STARD13: variants seen among roughly 807,000 people sequenced by gnomAD.
The protein encoded by STARD13 is StAR related lipid transfer domain containing 13.
In STARD13, 62 loss-of-function variants were observed where a neutral mutation model predicts 106.4. That is an observed-to-expected ratio of 0.58 (90% confidence interval 0.48 to 0.72). The LOEUF (loss-of-function observed/expected upper bound fraction) is 0.72. STARD13 is among the 30% of genes least tolerant of loss of function. The pLI is 0.00. For missense variants in STARD13, 1,387 were observed against 1,424.0 expected (o/e 0.97, Z 0.42); for synonymous variants, 565 against 553.0 (o/e 1.02, Z -0.31).
chr13:33,440,616 G>A, the STARD13 span, among the ~76,000 whole-genome samples: 1 of 151,126 alleles, frequency 6.6e-6, no homozygotes, highest in Admixed American at 6.6e-5. Context: ...GTTTTATTTT[G>A]TCTTGTTAGG....
rs1244676966 is a variant in STARD13 at position 33,106,773 on chromosome 13, C to T, written c.3209G>A (p.Cys1070Tyr). 1.2e-6 allele frequency: 2 copies of T among 1,612,938 alleles called. No individual in the cohort carries two copies. The highest frequency in any genetic ancestry group is 2.2e-5 in the East Asian group (1 of 44,862). ...GSGKSRLTHI[C>Y]RIDLKGHSPE... is the part of the protein sequence containing the mutation. ...CAGCACTTACTTCAGGTCTATCCTG[C>T]AGATGTGAGTCAGTCTTGACTTGCC... The change falls in exon 13 of 14, where the codon TGC (cysteine) becomes TAC (tyrosine). Residue 1070 changes from cysteine (C) to tyrosine (Y), a missense_variant. Coordinates refer to ENST00000336934, the MANE Select transcript of STARD13 (RefSeq NM_178006.4).
intron 10 of STARD13, among the ~76,000 whole-genome samples, chr13:33,111,162 C>A (rs1184447965): frequency 2.0e-5 from 3 of 152,186 alleles, no homozygotes; most frequent in Non-Finnish European, 4.4e-5. Context: ...TTTCACTTCC[C>A]TTTTATTTTA....
At chr13:33,599,380 A>G in the STARD13 span, among the ~76,000 whole-genome samples, 136 of 152,346 alleles carry the variant, frequency 8.9e-4, no homozygotes, top group East Asian at 0.023. Context: ...CAGTAACACC[A>G]TAACAACAAT....
upstream of STARD13, among the ~76,000 whole-genome samples, chr13:33,351,308 T>A (rs963079837): frequency 1.3e-5 from 2 of 152,218 alleles, no homozygotes; most frequent in African/African-American, 4.8e-5. Context: ...AAGAAGTACG[T>A]ATTATGAAGA....
chr13:33,337,322 C>A (rs9805709), intron 1 of STARD13, among the ~76,000 whole-genome samples: 175 of 147,012 alleles, frequency 1.2e-3, no homozygotes, highest in African/African-American at 4.1e-3. Context: ...CTATTATGAG[C>A]ATTGTAAATA....
Position 33,129,500 on chromosome 13 carries a change from A to G in STARD13, c.1177T>C (p.Leu393=), listed in dbSNP as rs1877861324. The G allele has an allele frequency of 6.2e-7, 1 of 1,614,142 alleles. No individual in the cohort carries two copies. Among genetic ancestry groups the G allele is most frequent in the Non-Finnish European group, 8.5e-7 (1 of 1,180,024 alleles). Residue 393 remains leucine, a synonymous_variant, in exon 5 of 14, where the codon TTG becomes CTG. Coordinates refer to ENST00000336934, the MANE Select transcript of STARD13 (RefSeq NM_178006.4). ...RMHEFHSQEN[L]VVHIPKDHKP... ...TGATCCTTGGGAATATGCACCACCA[A>G]ATTCTCTTGGGAGTGAAATTCATGC...
intron 1 of STARD13, among the ~76,000 whole-genome samples, chr13:33,187,292 T>C (rs1387074749): frequency 6.6e-6 from 1 of 152,220 alleles, no homozygotes; most frequent in Non-Finnish European, 1.5e-5. Flanking sequence ...CTGCCCACTT[T>C]TGATTTTTTT....
chr13:33,126,041 T>C lies in STARD13; in HGVS notation c.2082+40A>G, dbSNP rs754448492. 1.5e-5 allele frequency: 24 copies of C among 1,596,326 alleles called. No homozygotes were observed. In the Admixed American group the frequency reaches 3.3e-4, roughly 22 times the overall value. On this transcript the variant is annotated intron_variant, in intron 7 of 13. Transcript: ENST00000336934. ...CATCCCCTCAATCCAATCCCATGGT[T>C]GGGGGTGGTGGGGCAGCAGCGGGGG...
chr13:33,588,319 C>T, the STARD13 span, among the ~76,000 whole-genome samples: 1 of 152,170 alleles, frequency 6.6e-6, no homozygotes, highest in Admixed American at 6.5e-5. Context: ...CAATGCATTT[C>T]TAATAGAAGG....
Position 33,110,822 on chromosome 13 carries a change from T to G in STARD13, c.2693A>C (p.Gln898Pro). ...GAAAGTTGCCCCACTCTCCTCCAGC[T>G]GTGTCCCCAATTCTTCCAGGGTTGG... ...HVPTLEELGTQLEESGATFHT... is the reference protein window; with the variant it reads ...HVPTLEELGTPLEESGATFHT... The change falls in exon 11 of 14, where the codon CAG (glutamine) becomes CCG (proline). Residue 898 changes from glutamine (Q) to proline (P), a missense_variant. Transcript: ENST00000336934. 15 of 1,614,194 alleles carry G rather than the reference T, an allele frequency of 9.3e-6. No individual in the cohort carries two copies. Among genetic ancestry groups the G allele is most frequent in the Non-Finnish European group, 1.2e-5 (14 of 1,180,042 alleles).
At chr13:33,354,597 C>T (rs2078108681), upstream of STARD13, among the ~76,000 whole-genome samples, 1 of 152,182 alleles carries the variant, frequency 6.6e-6, no homozygotes, top group Admixed American at 6.5e-5. Flanking sequence ...GTGAACAGCA[C>T]ATAGTAGGAG....
chr13:33,423,421 A>C, the STARD13 span, among the ~76,000 whole-genome samples: 17 of 152,194 alleles, frequency 1.1e-4, no homozygotes, highest in Non-Finnish European at 1.5e-5. Flanking sequence ...TTAGAATGGC[A>C]ATCATTAAAA....
At chr13:33,215,207 C>T (rs1454407424) in intron 1 of STARD13, among the ~76,000 whole-genome samples, 1 of 151,832 alleles carries the variant, frequency 6.6e-6, no homozygotes, top group African/African-American at 2.4e-5. Context: ...AAGGATTCTT[C>T]CTTACAAGAC....
At chr13:33,571,647 CA>C in the STARD13 span, among the ~76,000 whole-genome samples, 1 of 152,120 alleles carries the variant, frequency 6.6e-6, no homozygotes, top group Non-Finnish European at 1.5e-5. Context: ...GAAACTTGAA[CA>C]GTTTCTAATG....
the STARD13 span, among the ~76,000 whole-genome samples, chr13:33,427,950 C>T: frequency 6.4e-5 from 8 of 124,886 alleles, no homozygotes; most frequent in African/African-American, 2.4e-4. Flanking sequence ...AGCGAAACTC[C>T]GTCTCAAAAA....
rs150689518 is a variant in STARD13 at position 33,143,830 on chromosome 13, C to T, written c.324-1457G>A. 1.8e-3 allele frequency among the ~76,000 whole-genome samples: 281 copies of T among 152,302 alleles called. 1 individual carries two copies. The highest frequency in any genetic ancestry group is 6.2e-3 in the African/African-American group (258 of 41,558). On this transcript the variant is annotated intron_variant, in intron 3 of 13. Coordinates refer to ENST00000336934, the MANE Select transcript of STARD13 (RefSeq NM_178006.4). ...CCTCCCAAAGTGCTGGGATTACAGG[C>T]GTGAGCCACCGCGCCCAGCTTGTTT...
chr13:33,635,118 C>T, the STARD13 span, among the ~76,000 whole-genome samples: 1 of 152,318 alleles, frequency 6.6e-6, no homozygotes, highest in East Asian at 1.9e-4. Context: ...CAGTTCTTGC[C>T]TTCGCTTTAG....
intron 1 of STARD13, among the ~76,000 whole-genome samples, chr13:33,259,127 G>GC (rs756252173): frequency 5.9e-5 from 9 of 152,044 alleles, no homozygotes; most frequent in East Asian, 1.9e-4. Flanking sequence ...TTCCTCCCCT[G>GC]CCCCCACTAG....
chr13:33,275,069 AT>A (rs1165804560), intron 1 of STARD13, among the ~76,000 whole-genome samples: 1 of 152,166 alleles, frequency 6.6e-6, no homozygotes, highest in African/African-American at 2.4e-5. Flanking sequence ...CTATTTATCT[AT>A]AAGACCTGAA....
Sources: gnomAD v4.1 joint callset for allele counts (sites outside exome capture counted in the v4.1 genomes callset) on GRCh38, gnomAD v4.1.1 for gene constraint, MANE v1.5 for transcripts, NCBI Gene and HGNC (gene_info 2026-07-23, HGNC 2026-07-21) for gene names.